The following SDK1 variants were observed in gnomAD, a reference collection of about 807,000 sequenced individuals.
SDK1 encodes sidekick cell adhesion molecule 1.
In SDK1, 157 loss-of-function variants were observed where a neutral mutation model predicts 245.5. The ratio of observed to expected loss-of-function variants is 0.64; its 90% CI spans 0.56 to 0.73. SDK1 has a LOEUF of 0.73. SDK1 is among the 30% of genes least tolerant of loss of function. The probability of loss-of-function intolerance (pLI) is 0.00; values close to 1 mark genes in which losing one functional copy is unlikely to be tolerated. For missense variants in SDK1, 3,583 were observed against 3,002.3 expected (o/e 1.19, Z -4.52); for synonymous variants, 1,647 against 1,278.5 (o/e 1.29, Z -6.15).
chr7:4,221,466 C>T, intron 40 of SDK1, 102 bp downstream of exon 40: 1 of 1,419,480 alleles, frequency 7.0e-7, no homozygotes, highest in South Asian at 1.4e-5. Context: ...AGCATTTTCC[C>T]CCCACAAAGC....
chr7:3,565,095 C>G (rs1390229208), intron 1 of SDK1, among the ~76,000 whole-genome samples: 1 of 151,236 alleles, frequency 6.6e-6, no homozygotes, highest in African/African-American at 2.4e-5. Context: ...CTACTACTGT[C>G]ACTTTTATTA....
intron 5 of SDK1, among the ~76,000 whole-genome samples, chr7:3,905,642 T>TA (rs1209910408): frequency 6.6e-6 from 1 of 152,168 alleles, no homozygotes; most frequent in African/African-American, 2.4e-5. Flanking sequence ...GTTTTTTTTT[T>TA]AGAGGAACGT....
chr7:4,081,829 G>T (rs546205608), intron 22 of SDK1, among the ~76,000 whole-genome samples: 2 of 152,282 alleles, frequency 1.3e-5, no homozygotes, highest in East Asian at 3.9e-4. Flanking sequence ...TCAAGATTTT[G>T]CTGCATCCAT....
chr7:3,502,607 A>T (rs886179555), intron 1 of SDK1, among the ~76,000 whole-genome samples: 2 of 152,220 alleles, frequency 1.3e-5, no homozygotes, highest in African/African-American at 4.8e-5. Context: ...GCACATACAA[A>T]ATTTGGATTT....
Position 4,241,915 on chromosome 7 carries a change from T to C in SDK1, c.6251+2T>C. On this transcript the variant is annotated splice_donor_variant, in intron 43 of 44. Transcript: ENST00000404826. LOFTEE classifies it high-confidence loss of function. Reference sequence around the variant, plus strand: ...CTTCTCCAAGAAGAACGGGACCAGGTAGGCAGGCAGTGCTGTGCTGCGCCC... The same window carrying C: ...CTTCTCCAAGAAGAACGGGACCAGGCAGGCAGGCAGTGCTGTGCTGCGCCC... 1 of 1,612,746 alleles carries C rather than the reference T, an allele frequency of 6.2e-7. No individual in the cohort carries two copies. Among genetic ancestry groups the C allele is most frequent in the Non-Finnish European group, 8.5e-7 (1 of 1,180,008 alleles).
chr7:3,878,188 TC>T (rs1199502989), intron 5 of SDK1, among the ~76,000 whole-genome samples: 7 of 152,300 alleles, frequency 4.6e-5, no homozygotes, highest in African/African-American at 1.7e-4. Flanking sequence ...AATTTTTTTT[TC>T]ATATTAAAAG....
chr7:3,701,284 C>G (rs1231615502), intron 4 of SDK1, among the ~76,000 whole-genome samples: 1 of 152,190 alleles, frequency 6.6e-6, no homozygotes, highest in Non-Finnish European at 1.5e-5. Context: ...TGACAGAAAT[C>G]AAAGTGCTAA....
chr7:3,689,269 C>G (rs558435050), intron 4 of SDK1, among the ~76,000 whole-genome samples: 2 of 152,302 alleles, frequency 1.3e-5, no homozygotes, highest in African/African-American at 2.4e-5. Context: ...GATGATTCAC[C>G]TCTCCCACAA....
intron 11 of SDK1, among the ~76,000 whole-genome samples, chr7:3,970,846 A>T (rs1025130365): frequency 1.3e-5 from 2 of 152,062 alleles, no homozygotes; most frequent in African/African-American, 4.8e-5. Context: ...TAGCCTTGTG[A>T]CTCCGAAGTT....
chr7:3,571,719 T>C (rs951066948), intron 1 of SDK1, among the ~76,000 whole-genome samples: 1 of 152,138 alleles, frequency 6.6e-6, no homozygotes, highest in Admixed American at 6.6e-5. Context: ...TTGAATCATG[T>C]GAGGAGCTCA....
chr7:3,654,028 G>T (rs769917200), intron 4 of SDK1, among the ~76,000 whole-genome samples: 6 of 152,244 alleles, frequency 3.9e-5, no homozygotes, highest in African/African-American at 9.6e-5. Flanking sequence ...GGTAAAAAAC[G>T]TTCATCTTTC....
chr7:3,922,685 G>A (rs963483747), intron 5 of SDK1, among the ~76,000 whole-genome samples: 10 of 152,184 alleles, frequency 6.6e-5, no homozygotes, highest in Admixed American at 2.0e-4. Flanking sequence ...CTGCACTCTT[G>A]TCAGTTTGAT....
intron 4 of SDK1, among the ~76,000 whole-genome samples, chr7:3,650,563 G>A (rs1469113910): frequency 1.3e-5 from 2 of 152,140 alleles, no homozygotes; most frequent in Non-Finnish European, 2.9e-5. Flanking sequence ...CTTGTAGCTA[G>A]TTTTCCTGAG....
intron 5 of SDK1, among the ~76,000 whole-genome samples, chr7:3,823,030 G>A (rs902070629): frequency 2.2e-4 from 33 of 152,174 alleles, no homozygotes; most frequent in African/African-American, 7.7e-4. Flanking sequence ...TCTGCAGAAC[G>A]TAGACTTGGC....
At chr7:3,974,643 G>C in intron 13 of SDK1, 98 bp downstream of exon 13, 1 of 1,194,302 alleles carries the variant, frequency 8.4e-7, no homozygotes, top group Non-Finnish European at 1.2e-6. Context: ...CGCCCGGCTT[G>C]TGTCCCAAGT....
intron 5 of SDK1, among the ~76,000 whole-genome samples, chr7:3,876,568 C>T (rs1398000838): frequency 1.3e-5 from 2 of 152,130 alleles, no homozygotes; most frequent in African/African-American, 4.8e-5. Flanking sequence ...AATGTAAAAA[C>T]AGGCATTGAG....
chr7:3,517,682 G>T (rs922912357), intron 1 of SDK1, among the ~76,000 whole-genome samples: 2 of 152,106 alleles, frequency 1.3e-5, no homozygotes, highest in Admixed American at 1.3e-4. Context: ...GCCCACCATT[G>T]TTCTGCTAAG....
chr7:4,086,069 A>T lies in SDK1; in HGVS notation c.3324+6485A>T, dbSNP rs1459444599. ...TTTTCTTTTTCTTTCTGGCAACATA[A>T]ACAGCTCTGCGTATATGTGTACTTC... is the stretch of plus-strand genomic sequence containing the variant. On this transcript the variant is annotated intron_variant, in intron 22 of 44. Transcript: ENST00000404826. 5.3e-5 allele frequency among the ~76,000 whole-genome samples: 8 copies of T among 152,156 alleles called. No individual in the cohort carries two copies. In the East Asian group the frequency reaches 1.5e-3, roughly 29 times the overall value.
chr7:3,448,498 G>A (rs1352659978), intron 1 of SDK1, among the ~76,000 whole-genome samples: 1 of 151,906 alleles, frequency 6.6e-6, no homozygotes, highest in East Asian at 1.9e-4. Context: ...TAAAATATAT[G>A]TAATCACATT....
Sources: gnomAD v4.1 joint callset for allele counts (sites outside exome capture counted in the v4.1 genomes callset) on GRCh38, gnomAD v4.1.1 for gene constraint, MANE v1.5 for transcripts, NCBI Gene and HGNC (gene_info 2026-07-23, HGNC 2026-07-21) for gene names.